Variants in MSRA observed in about 807,000 individuals in gnomAD.
MSRA encodes methionine sulfoxide reductase A.
In MSRA, 54 loss-of-function variants were observed where a neutral mutation model predicts 31.3. The ratio of observed to expected loss-of-function variants is 1.73; its 90% CI spans 1.39 to 2.17. MSRA has a LOEUF of 2.17. Among genes scored for constraint, MSRA ranks in the 30% most tolerant of loss-of-function variants. The pLI, the probability that MSRA is intolerant of heterozygous loss-of-function variation, is 0.00. For missense variants in MSRA, 507 were observed against 300.9 expected, an observed-to-expected ratio of 1.69 and a Z score of -5.07; for synonymous variants, 169 against 116.5, an observed-to-expected ratio of 1.45 and a Z score of -2.90.
intron 1 of MSRA, among the ~76,000 whole-genome samples, chr8:10,071,608 A>T (rs914395551): frequency 2.0e-5 from 3 of 151,694 alleles, no homozygotes; most frequent in African/African-American, 7.3e-5. Flanking sequence ...ATTTTTTCCT[A>T]TGCTTTTTGT....
At chr8:10,156,279 T>A (rs187951299) in intron 1 of MSRA, among the ~76,000 whole-genome samples, 16 of 152,306 alleles carry the variant, frequency 1.1e-4, no homozygotes, top group African/African-American at 3.8e-4. Flanking sequence ...GGACTGTATG[T>A]TGGATGATGG....
chr8:10,406,647 G>C (rs1026155397), intron 5 of MSRA, among the ~76,000 whole-genome samples: 19 of 152,230 alleles, frequency 1.2e-4, no homozygotes, highest in Non-Finnish European at 2.5e-4. Flanking sequence ...CCTGGCATAA[G>C]TTAAACGGAC....
At chr8:10,392,914 T>G (rs1457378284) in intron 5 of MSRA, among the ~76,000 whole-genome samples, 1 of 92,498 alleles carries the variant, frequency 1.1e-5, no homozygotes. Context: ...AAAAAAAAAT[T>G]AGCCGGCAGT....
At chr8:10,155,284 A>G (rs2129039075) in intron 1 of MSRA, among the ~76,000 whole-genome samples, 1 of 152,292 alleles carries the variant, frequency 6.6e-6, no homozygotes, top group African/African-American at 2.4e-5. Context: ...GATGTGTTGG[A>G]CACCAACATT....
intron 1 of MSRA, among the ~76,000 whole-genome samples, chr8:10,094,411 G>A (rs757907430): frequency 2.1e-4 from 32 of 152,202 alleles, no homozygotes; most frequent in Admixed American, 1.1e-3. Context: ...CATTTGATTG[G>A]CGGAGCACAC....
chr8:10,337,960 G>A, intron 5 of MSRA: 3 of 619,936 alleles, frequency 4.8e-6, no homozygotes, highest in South Asian at 3.8e-5. Context: ...AGGTAAACTG[G>A]GTGGCCCAGG....
chr8:10,170,571 A>G (rs1032376811), intron 1 of MSRA, among the ~76,000 whole-genome samples: 1 of 152,230 alleles, frequency 6.6e-6, no homozygotes, highest in Non-Finnish European at 1.5e-5. Context: ...TGTTTTTAAA[A>G]AAAACACAAA....
chr8:10,245,632 C>A (rs577522370), intron 3 of MSRA, among the ~76,000 whole-genome samples: 22 of 152,310 alleles, frequency 1.4e-4, no homozygotes, highest in Non-Finnish European at 2.1e-4. Flanking sequence ...TTTGGCCTGG[C>A]AGTTGGTGCT....
chr8:10,323,073 G>T (rs1046711149), intron 5 of MSRA, among the ~76,000 whole-genome samples: 3 of 133,488 alleles, frequency 2.2e-5, no homozygotes, highest in African/African-American at 8.6e-5. Flanking sequence ...CTGGGCAACA[G>T]AGTGAGACTC....
chr8:10,229,427 G>A (rs896074033), intron 2 of MSRA, among the ~76,000 whole-genome samples: 2 of 152,178 alleles, frequency 1.3e-5, no homozygotes, highest in Non-Finnish European at 2.9e-5. Flanking sequence ...TGAGGCTGCA[G>A]TATGGTACGT....
In MSRA at chr8:10,245,184, G is replaced by C; in HGVS notation, c.292G>C (p.Gly98Arg). 1.2e-6 allele frequency: 2 copies of C among 1,613,484 alleles called. No homozygotes were observed. The highest frequency in any genetic ancestry group is 1.7e-6 in the Non-Finnish European group (2 of 1,179,786). Residue 98 changes from glycine to arginine, a missense_variant, in exon 3 of 6, where the codon GGC becomes CGC. Transcript: ENST00000317173. ...TTCAACTCAAGTTGGTTTTGCAGGAGGCTATACTTCAAATCCTACTTATAA... is the reference window on the plus strand; with the variant it reads ...TTCAACTCAAGTTGGTTTTGCAGGACGCTATACTTCAAATCCTACTTATAA... The part of the protein sequence containing the change: ...VYSTQVGFAG[G>R]YTSNPTYKEV...
chr8:10,317,367 G>A (rs113951413), intron 4 of MSRA, among the ~76,000 whole-genome samples: 41 of 152,316 alleles, frequency 2.7e-4, no homozygotes, highest in South Asian at 6.2e-4. Context: ...AGGCTTAGGA[G>A]GCCCTCTGAG....
At chr8:10,220,484 A>C (rs1197635817) in intron 2 of MSRA, among the ~76,000 whole-genome samples, 5 of 152,248 alleles carry the variant, frequency 3.3e-5, no homozygotes, top group Non-Finnish European at 4.4e-5. Flanking sequence ...GTGGCCTTCC[A>C]GAACCAAGCC....
At chr8:10,276,385 A>G (rs1311246663) in intron 3 of MSRA, among the ~76,000 whole-genome samples, 1 of 152,164 alleles carries the variant, frequency 6.6e-6, no homozygotes. Flanking sequence ...TTGTCTCAGC[A>G]GTTTTGGTTG....
chr8:10,411,426 C>G (rs1335817270), intron 5 of MSRA: 2 of 152,178 alleles, frequency 1.3e-5, no homozygotes, highest in African/African-American at 4.8e-5. Context: ...CCAACTGTAT[C>G]TGGAGTGCAT....
intron 1 of MSRA, among the ~76,000 whole-genome samples, chr8:10,084,568 C>T (rs1460360437): frequency 6.6e-6 from 1 of 152,202 alleles, no homozygotes; most frequent in Non-Finnish European, 1.5e-5. Flanking sequence ...AAATTTATTA[C>T]TCTATGATCT....
chr8:10,367,885 A>G (rs1458290657), intron 5 of MSRA, among the ~76,000 whole-genome samples: 3 of 152,172 alleles, frequency 2.0e-5, no homozygotes, highest in African/African-American at 7.2e-5. Flanking sequence ...GAGGGGGGAA[A>G]GCTGCTTTTA....
intron 1 of MSRA, among the ~76,000 whole-genome samples, chr8:10,140,039 C>T (rs1026473768): frequency 6.6e-5 from 10 of 152,160 alleles, no homozygotes; most frequent in Non-Finnish European, 8.8e-5. Context: ...GACACGGGAG[C>T]CTTCCGAAAT....
At chr8:10,084,380 A>T (rs1798446881) in intron 1 of MSRA, among the ~76,000 whole-genome samples, 1 of 152,228 alleles carries the variant, frequency 6.6e-6, no homozygotes, top group African/African-American at 2.4e-5. Context: ...CCACTGACTC[A>T]TAGGATCTGA....
Sources: allele counts gnomAD v4.1 joint callset (sites outside exome capture counted in the v4.1 genomes callset), GRCh38; gene constraint gnomAD v4.1.1; transcripts MANE v1.5; gene names NCBI Gene and HGNC (gene_info 2026-07-23, HGNC 2026-07-21).